The following DPP6 variants were observed in gnomAD, a reference collection of about 807,000 sequenced individuals.
DPP6 encodes the protein dipeptidyl peptidase like 6, also known as A-type potassium channel modulatory protein DPP6.
Under a neutral mutation model 122.6 loss-of-function variants are expected in DPP6, and 69 were observed. The observed-to-expected ratio is 0.56, with a 90% CI of 0.46 to 0.69. The LOEUF is 0.69. Among genes scored for constraint, DPP6 ranks in the 30% least tolerant of loss-of-function variants. DPP6 has a pLI of 0.00. For missense variants in DPP6, 928 were observed against 1,116.9 expected (o/e 0.83, Z 2.41); for synonymous variants, 418 against 433.1 (o/e 0.97, Z 0.43).
chr7:154,552,848 G>A (rs945678805), intron 4 of DPP6, among the ~76,000 whole-genome samples: 5 of 152,314 alleles, frequency 3.3e-5, no homozygotes, highest in Middle Eastern at 3.4e-3. Flanking sequence ...GCAACATACA[G>A]GCTGAAATGT....
At position 154,359,846 on chromosome 7, in the gene DPP6, T is replaced by C. The variant is rs376661467; in HGVS notation, c.244-86368T>C. ...ACAGCACTTGAGTTAGAGAAACGTTTTGACTAATCAAGGAAGCCTTTCTGG... is the reference window on the plus strand; with the variant it reads ...ACAGCACTTGAGTTAGAGAAACGTTCTGACTAATCAAGGAAGCCTTTCTGG... On this transcript the variant is annotated intron_variant, in intron 1 of 25. Coordinates refer to ENST00000377770, the MANE Select transcript of DPP6 (RefSeq NM_130797.4). 9.8e-5 allele frequency among the ~76,000 whole-genome samples: 15 copies of C among 152,330 alleles called. No individual in the cohort carries two copies. In the East Asian group the frequency reaches 2.5e-3, roughly 26 times the overall value.
chr7:154,300,522 A>G (rs1805834467), intron 1 of DPP6, among the ~76,000 whole-genome samples: 1 of 152,246 alleles, frequency 6.6e-6, no homozygotes, highest in African/African-American at 2.4e-5. Flanking sequence ...TTCTTAGCAG[A>G]AGCTGGAGTA....
intron 8 of DPP6, among the ~76,000 whole-genome samples, chr7:154,730,027 T>C (rs6976945): frequency 0.2 from 30,872 of 152,208 alleles, 3,678 homozygotes; most frequent in African/African-American, 0.33. Context: ...CACCTCTGCC[T>C]GGGGTGCAAT....
chr7:154,276,670 C>T (rs2150943010), intron 1 of DPP6, among the ~76,000 whole-genome samples: 1 of 152,266 alleles, frequency 6.6e-6, no homozygotes, highest in Admixed American at 6.5e-5. Flanking sequence ...TTGCTGTTCA[C>T]AGTAGTCATG....
chr7:154,889,749 C>T, intron 25 of DPP6: 1 of 712,840 alleles, frequency 1.4e-6, no homozygotes, highest in Non-Finnish European at 2.2e-6. Flanking sequence ...CGGTTTAAAT[C>T]CCTTTAGGAC....
At chr7:154,101,856 A>G (rs2150570055) in intron 1 of DPP6, among the ~76,000 whole-genome samples, 1 of 142,846 alleles carries the variant, frequency 7.0e-6, no homozygotes, top group South Asian at 2.5e-4. Flanking sequence ...TGAACCTGGG[A>G]GGCAGAGGTT....
At chr7:154,593,917 G>A (rs1220233381) in intron 5 of DPP6, among the ~76,000 whole-genome samples, 6 of 152,194 alleles carry the variant, frequency 3.9e-5, no homozygotes, top group Non-Finnish European at 7.3e-5. Context: ...GCTTTTGAGA[G>A]CAATTTAATA....
At chr7:154,732,695 G>T (rs769026012) in intron 8 of DPP6, among the ~76,000 whole-genome samples, 9 of 152,158 alleles carry the variant, frequency 5.9e-5, no homozygotes, top group Non-Finnish European at 1.3e-4. Flanking sequence ...ATCTGGTTTG[G>T]CATGGATGAA....
At chr7:154,381,621 G>A (rs1813617785) in intron 1 of DPP6, among the ~76,000 whole-genome samples, 1 of 152,128 alleles carries the variant, frequency 6.6e-6, no homozygotes, top group African/African-American at 2.4e-5. Context: ...GCTTGTTACT[G>A]GTTTAGGCTA....
chr7:154,874,902 G>A (rs994416821), intron 19 of DPP6, among the ~76,000 whole-genome samples: 1 of 152,198 alleles, frequency 6.6e-6, no homozygotes, highest in Admixed American at 6.5e-5. Flanking sequence ...CCCAGCCTGG[G>A]CAACATAGCA....
rs1798658156 is a variant in DPP6, at chr7:154,805,779, TA to T, written c.1547+816del. ...GAGGCTTTGGGTTGTGAAGTGAGATTAGCCCTGGGCACTTTCTACCAGGGCC... is the reference window on the plus strand; with the variant it reads ...GAGGCTTTGGGTTGTGAAGTGAGATTGCCCTGGGCACTTTCTACCAGGGCC... On this transcript the variant is annotated intron_variant, in intron 15 of 25. Coordinates refer to ENST00000377770, the MANE Select transcript of DPP6 (RefSeq NM_130797.4). Among the ~76,000 whole-genome samples, 5 of 152,282 alleles carry T rather than the reference TA, an allele frequency of 3.3e-5. No individual in the cohort carries two copies. In the South Asian group the frequency reaches 1.0e-3, roughly 32 times the overall value.
At chr7:154,657,693 TGG>T (rs1837358111) in intron 6 of DPP6, among the ~76,000 whole-genome samples, 1 of 89,578 alleles carries the variant, frequency 1.1e-5, no homozygotes, top group African/African-American at 3.6e-5. Context: ...AGAGGCTGCG[TGG>T]GAGGAGGTGC....
chr7:153,982,664 C>T (rs1490242910), intron 1 of DPP6, among the ~76,000 whole-genome samples: 2 of 152,098 alleles, frequency 1.3e-5, no homozygotes, highest in Non-Finnish European at 2.9e-5. Context: ...GCTGGTTTTT[C>T]CTCCTCTTCA....
chr7:154,522,023 G>A (rs562730674), intron 3 of DPP6, among the ~76,000 whole-genome samples: 25 of 152,040 alleles, frequency 1.6e-4, no homozygotes, highest in African/African-American at 5.5e-4. Flanking sequence ...GGAGTGCAGT[G>A]GCGCGATCTC....
chr7:154,115,654 G>T (rs781648288), intron 1 of DPP6, among the ~76,000 whole-genome samples: 2 of 152,172 alleles, frequency 1.3e-5, no homozygotes, highest in Non-Finnish European at 2.9e-5. Flanking sequence ...ACTTGTTGCG[G>T]TGTGTCCATT....
At chr7:154,722,444 C>T (rs1841866736) in intron 7 of DPP6, among the ~76,000 whole-genome samples, 1 of 152,240 alleles carries the variant, frequency 6.6e-6, no homozygotes, top group African/African-American at 2.4e-5. Flanking sequence ...ACCTCAATGA[C>T]TTCTGCAGGA....
intron 1 of DPP6, among the ~76,000 whole-genome samples, chr7:154,438,581 A>G (rs894541755): frequency 6.6e-6 from 1 of 152,018 alleles, no homozygotes; most frequent in Non-Finnish European, 1.5e-5. Flanking sequence ...CCTCAGGAGG[A>G]AAAGTACATC....
At chr7:154,766,874 AAAC>A (rs1563187276) in intron 8 of DPP6, among the ~76,000 whole-genome samples, 2 of 152,170 alleles carry the variant, frequency 1.3e-5, no homozygotes, top group African/African-American at 4.8e-5. Context: ...AATGAGATAC[AAAC>A]AACCCTGGGT....
chr7:154,664,714 TC>T (rs1412587146), intron 6 of DPP6, among the ~76,000 whole-genome samples: 1 of 152,006 alleles, frequency 6.6e-6, no homozygotes, highest in African/African-American at 2.4e-5. Flanking sequence ...AGGGCAATTA[TC>T]TGACTTTTCA....
Sources: gnomAD v4.1 joint callset for allele counts (sites outside exome capture counted in the v4.1 genomes callset) on GRCh38, gnomAD v4.1.1 for gene constraint, MANE v1.5 for transcripts, NCBI Gene and HGNC (gene_info 2026-07-23, HGNC 2026-07-21) for gene names.